Variants in TOGARAM2 observed in about 807,000 individuals in gnomAD.
TOGARAM2 encodes the protein TOG array regulator of axonemal microtubules 2.
In TOGARAM2, 85 loss-of-function variants were observed where a neutral mutation model predicts 93.3. That is an observed-to-expected ratio of 0.91 (90% confidence interval 0.76 to 1.09). The LOEUF is 1.09. Among genes scored for constraint, TOGARAM2 ranks in the 50% least tolerant of loss-of-function variants. TOGARAM2 has a pLI of 0.00. For missense variants in TOGARAM2, 1,277 were observed against 1,334.5 expected, an observed-to-expected ratio of 0.96 and a Z score of 0.67; for synonymous variants, 593 against 552.8, an observed-to-expected ratio of 1.07 and a Z score of -1.02.
chr2:28,995,434 G>A (rs1672944835), intron 2 of TOGARAM2, among the ~76,000 whole-genome samples: 1 of 152,232 alleles, frequency 6.6e-6, no homozygotes, highest in African/African-American at 2.4e-5. Flanking sequence ...GCAGGGGCCA[G>A]ATGGCCATTT....
In TOGARAM2 at chr2:29,036,540, G is replaced by C; in HGVS notation, c.2419-1G>C. ...GCTCTTGGTTTCTGTTTCTTCAATAGGTCTTTGATGCTTTCACCCCAAGGC... is the reference window on the plus strand; with the variant it reads ...GCTCTTGGTTTCTGTTTCTTCAATACGTCTTTGATGCTTTCACCCCAAGGC... On this transcript the variant is annotated splice_acceptor_variant, in intron 17 of 19. Transcript: ENST00000379558. LOFTEE classifies it high-confidence loss of function. The C allele has an allele frequency of 6.2e-7, 1 of 1,613,898 alleles. No individual in the cohort carries two copies. The highest frequency in any genetic ancestry group is 8.5e-7 in the Non-Finnish European group (1 of 1,179,858).
intron 13 of TOGARAM2, among the ~76,000 whole-genome samples, chr2:29,026,502 C>G (rs1204910437): frequency 6.6e-6 from 1 of 152,102 alleles, no homozygotes; most frequent in African/African-American, 2.4e-5. Flanking sequence ...AGAAGAGACA[C>G]TGGTTAGGTA....
At chr2:29,010,976 G>A (rs1664206902) in intron 6 of TOGARAM2, among the ~76,000 whole-genome samples, 1 of 152,168 alleles carries the variant, frequency 6.6e-6, no homozygotes, top group Non-Finnish European at 1.5e-5. Flanking sequence ...CGCCCCCCAG[G>A]CCCTGGGATG....
intron 11 of TOGARAM2, 124 bp downstream of exon 11, chr2:29,022,432 G>A: frequency 1.5e-6 from 2 of 1,376,770 alleles, no homozygotes; most frequent in Non-Finnish European, 2.0e-6. Flanking sequence ...GAGCATAAAA[G>A]CCAGTTTGGA....
At chr2:29,019,476 C>T (rs887682514) in intron 10 of TOGARAM2, among the ~76,000 whole-genome samples, 47 of 152,112 alleles carry the variant, frequency 3.1e-4, no homozygotes, top group African/African-American at 1.1e-3. Context: ...GGCCAACCCA[C>T]TCATTTTATA....
chr2:28,958,298 G>GT (rs1271150493), intron 1 of TOGARAM2, among the ~76,000 whole-genome samples: 1,881 of 138,358 alleles, frequency 0.014, 26 homozygotes, highest in African/African-American at 0.033. Flanking sequence ...ACTAGACCTT[G>GT]TTTTTTTTTT....
upstream of TOGARAM2, among the ~76,000 whole-genome samples, chr2:28,980,331 C>T (rs193184221): frequency 3.3e-5 from 5 of 152,380 alleles, no homozygotes; most frequent in Admixed American, 6.5e-5. Flanking sequence ...GAAGGAGCTA[C>T]CCCGTGTGCA....
intron 6 of TOGARAM2, among the ~76,000 whole-genome samples, chr2:29,006,144 CAT>C (rs1663795403): frequency 7.9e-6 from 1 of 127,120 alleles, no homozygotes; most frequent in South Asian, 2.7e-4. Flanking sequence ...TGAGAGCATG[CAT>C]GTGCGTAAGT....
intron 8 of TOGARAM2, among the ~76,000 whole-genome samples, chr2:29,015,575 T>G (rs762498196): frequency 1.3e-5 from 2 of 152,226 alleles, no homozygotes; most frequent in African/African-American, 2.4e-5. Flanking sequence ...CGTGTCTCTC[T>G]TCTCTCCTTT....
chr2:28,997,967 C>T lies in TOGARAM2; in HGVS notation c.29-176C>T, dbSNP rs541616060. ...GGATTTGGTGGAGATCACAGGCACC[C>T]TGCCTGGCCCTGCCAGGCTCTGGTG... On this transcript the variant is annotated intron_variant, in intron 2 of 19. Transcript: ENST00000379558. Among the ~76,000 whole-genome samples the T allele has an allele frequency of 2.0e-5, 3 of 152,296 alleles. No individual in the cohort carries two copies. The South Asian group carries it at 6.2e-4, about 32-fold the overall frequency.
intron 19 of TOGARAM2, chr2:29,049,330 AC>A (rs1666942098): frequency 6.6e-6 from 1 of 152,192 alleles, no homozygotes; most frequent in Non-Finnish European, 1.5e-5. Context: ...AGGCTGAAAA[AC>A]ATTCCATTAA....
chr2:29,008,541 C>T (rs1027243034), intron 6 of TOGARAM2, among the ~76,000 whole-genome samples: 2 of 152,346 alleles, frequency 1.3e-5, no homozygotes, highest in Admixed American at 6.5e-5. Context: ...ATTGTAACCT[C>T]TGCCTCCCTG....
intron 1 of TOGARAM2, among the ~76,000 whole-genome samples, chr2:28,982,613 G>T (rs1212495628): frequency 6.6e-6 from 1 of 152,136 alleles, no homozygotes; most frequent in African/African-American, 2.4e-5. Context: ...GAGGTAGTTG[G>T]GGGCAAGGGA....
intron 1 of TOGARAM2, among the ~76,000 whole-genome samples, chr2:28,957,138 CT>C (rs1671730649): frequency 6.6e-6 from 1 of 152,054 alleles, no homozygotes; most frequent in South Asian, 2.1e-4. Context: ...AAAACAAATC[CT>C]ATGGGAATTT....
intron 1 of TOGARAM2, among the ~76,000 whole-genome samples, chr2:28,973,919 T>C (rs4666157): frequency 0.18 from 27,841 of 151,998 alleles, 2,853 homozygotes; most frequent in East Asian, 0.3. Context: ...GTCTTTATTT[T>C]TGAAAAATGT....
chr2:28,961,339 A>T (rs1016585074), intron 1 of TOGARAM2, among the ~76,000 whole-genome samples: 1 of 152,028 alleles, frequency 6.6e-6, no homozygotes, highest in African/African-American at 2.4e-5. Context: ...TTTATTATTT[A>T]ATTTTTAATT....
intron 1 of TOGARAM2, among the ~76,000 whole-genome samples, chr2:28,989,001 T>C (rs1182350613): frequency 6.6e-6 from 1 of 152,254 alleles, no homozygotes; most frequent in Non-Finnish European, 1.5e-5. Flanking sequence ...TCAATGCTGC[T>C]GCTCCCTGGG....
intron 19 of TOGARAM2, chr2:29,050,227 G>C (rs568970933): frequency 6.6e-6 from 1 of 152,134 alleles, no homozygotes; most frequent in East Asian, 1.9e-4. Context: ...GCGTGGAGGC[G>C]CATGCCTGTG....
chr2:28,991,138 T>C (rs917913238), intron 1 of TOGARAM2, among the ~76,000 whole-genome samples: 2 of 152,084 alleles, frequency 1.3e-5, no homozygotes, highest in Non-Finnish European at 2.9e-5. Context: ...CATTACTTCA[T>C]TTATTCCTAA....
Sources: gnomAD v4.1 joint callset for allele counts (sites outside exome capture counted in the v4.1 genomes callset) on GRCh38, gnomAD v4.1.1 for gene constraint, MANE v1.5 for transcripts, NCBI Gene and HGNC (gene_info 2026-07-23, HGNC 2026-07-21) for gene names.